SGCZ: variants seen among roughly 807,000 people sequenced by gnomAD.
SGCZ encodes zeta-sarcoglycan.
A neutral mutation model predicts 41.3 loss-of-function variants in SGCZ; 40 were observed. The observed-to-expected ratio is 0.97, with a 90% CI of 0.75 to 1.26. The LOEUF (loss-of-function observed/expected upper bound fraction) is 1.26. Among genes scored for constraint, SGCZ ranks in the 50% most tolerant of loss-of-function variants. The probability of loss-of-function intolerance (pLI) is 0.00; values close to 1 mark genes in which losing one functional copy is unlikely to be tolerated. For synonymous variants in SGCZ, 206 were observed against 137.5 expected (o/e 1.50, Z -3.49); for missense variants, 552 against 369.8 (o/e 1.49, Z -4.04).
chr8:14,671,264 A>T (rs1420910818), intron 1 of SGCZ, among the ~76,000 whole-genome samples: 1 of 152,046 alleles, frequency 6.6e-6, no homozygotes, highest in Non-Finnish European at 1.5e-5. Flanking sequence ...TCTTTTTATG[A>T]CCTCTACTGG....
intron 2 of SGCZ, among the ~76,000 whole-genome samples, chr8:14,460,418 AATTGTAT>A (rs1337838614): frequency 1.6e-4 from 24 of 152,262 alleles, no homozygotes; most frequent in Middle Eastern, 3.4e-3. Context: ...ATATACAAGA[AATTGTAT>A]ATTAACTGGA....
chr8:14,537,849 A>G (rs1050265020), intron 2 of SGCZ, among the ~76,000 whole-genome samples: 1 of 151,910 alleles, frequency 6.6e-6, no homozygotes, highest in Admixed American at 6.6e-5. Context: ...TGTGAATTCC[A>G]TATCCTTATC....
chr8:15,118,194 G>A (rs188990174), intron 1 of SGCZ, among the ~76,000 whole-genome samples: 332 of 152,274 alleles, frequency 2.2e-3, no homozygotes, highest in Non-Finnish European at 3.8e-3. Context: ...AATCAGAAAA[G>A]CATTTTAAGA....
intron 2 of SGCZ, among the ~76,000 whole-genome samples, chr8:14,515,957 T>C (rs1027894093): frequency 6.6e-6 from 1 of 152,062 alleles, no homozygotes; most frequent in African/African-American, 2.4e-5. Flanking sequence ...CAATACCTTG[T>C]TGGAAATAAC....
At chr8:14,407,597 G>A (rs931800858) in intron 2 of SGCZ, among the ~76,000 whole-genome samples, 1 of 151,906 alleles carries the variant, frequency 6.6e-6, no homozygotes, top group Non-Finnish European at 1.5e-5. Context: ...TACAATATAG[G>A]TATATGATAT....
chr8:14,098,374 GCAATA>G (rs1365986981), intron 7 of SGCZ, among the ~76,000 whole-genome samples: 1 of 152,126 alleles, frequency 6.6e-6, no homozygotes, highest in Non-Finnish European at 1.5e-5. Context: ...AAAACCCAAG[GCAATA>G]CATTTTGGGG....
At chr8:14,420,968 G>C (rs565344241) in intron 2 of SGCZ, among the ~76,000 whole-genome samples, 47 of 152,194 alleles carry the variant, frequency 3.1e-4, no homozygotes, top group African/African-American at 1.1e-3. Context: ...TCTTTAGAGA[G>C]GGATCACACT....
At chr8:14,204,228 G>A (rs1202139718) in intron 4 of SGCZ, among the ~76,000 whole-genome samples, 2 of 151,240 alleles carry the variant, frequency 1.3e-5, no homozygotes, top group African/African-American at 4.9e-5. Context: ...TGTCATATCT[G>A]TTGCTTAGAG....
intron 3 of SGCZ, among the ~76,000 whole-genome samples, chr8:14,316,835 A>G (rs1338700012): frequency 1.3e-5 from 2 of 151,350 alleles, no homozygotes; most frequent in African/African-American, 2.4e-5. Flanking sequence ...ACACACACAC[A>G]CACACACACA....
At chr8:14,767,911 T>C (rs1220499298) in intron 1 of SGCZ, among the ~76,000 whole-genome samples, 1 of 152,178 alleles carries the variant, frequency 6.6e-6, no homozygotes, top group Non-Finnish European at 1.5e-5. Flanking sequence ...TGCTATCTGT[T>C]AAGGGAATAA....
At chr8:15,217,273 C>T (rs999259269) in intron 1 of SGCZ, among the ~76,000 whole-genome samples, 7 of 151,484 alleles carry the variant, frequency 4.6e-5, no homozygotes, top group African/African-American at 7.3e-5. Flanking sequence ...AAAAATTAGC[C>T]GGGCGTGTTG....
intron 4 of SGCZ, among the ~76,000 whole-genome samples, chr8:14,189,783 C>A (rs1056353646): frequency 2.0e-5 from 3 of 152,076 alleles, no homozygotes; most frequent in African/African-American, 7.2e-5. Flanking sequence ...GTTTGCTTGG[C>A]TATTTTTGAA....
chr8:14,242,253 T>C (rs547296398), intron 3 of SGCZ, among the ~76,000 whole-genome samples: 154 of 152,334 alleles, frequency 1.0e-3, no homozygotes, highest in African/African-American at 3.6e-3. Flanking sequence ...CATTAAGTCG[T>C]AGTGAAATAG....
At chr8:15,012,132 A>G (rs993229979) in intron 1 of SGCZ, among the ~76,000 whole-genome samples, 8 of 152,238 alleles carry the variant, frequency 5.3e-5, no homozygotes, top group African/African-American at 1.9e-4. Context: ...CTGTACATGC[A>G]CATATGTTTA....
intron 4 of SGCZ, among the ~76,000 whole-genome samples, chr8:14,172,573 G>A: frequency 6.6e-6 from 1 of 152,122 alleles, no homozygotes. Context: ...TGGGCAAAAT[G>A]TTTGTTGTAA....
At position 15,055,739 on chromosome 8, in the gene SGCZ, GC is replaced by G. The variant is rs1235821366; in HGVS notation, c.39+181845del. Reference sequence around the variant, plus strand: ...AAGCAATGCTTGCGCAGCTCTCCAAGCTCTATCACATCCTTGAGATGCCTAA... The same window carrying G: ...AAGCAATGCTTGCGCAGCTCTCCAAGTCTATCACATCCTTGAGATGCCTAA... On this transcript the variant is annotated intron_variant, in intron 1 of 7. Transcript: ENST00000382080. Among the ~76,000 whole-genome samples, 9 of 152,296 alleles carry G rather than the reference GC, an allele frequency of 5.9e-5. 2 individuals are homozygous for G. In the South Asian group the frequency reaches 1.7e-3, roughly 28 times the overall value.
chr8:14,433,510 C>T (rs1049640853), intron 2 of SGCZ, among the ~76,000 whole-genome samples: 1 of 152,170 alleles, frequency 6.6e-6, no homozygotes, highest in Non-Finnish European at 1.5e-5. Flanking sequence ...GAAAACTTCA[C>T]TTTAACAACA....
At chr8:14,145,994 G>A (rs546709798) in intron 5 of SGCZ, among the ~76,000 whole-genome samples, 42 of 152,074 alleles carry the variant, frequency 2.8e-4, no homozygotes, top group Admixed American at 2.1e-3. Flanking sequence ...TTAAAAGAAG[G>A]TAGAGAAAAA....
rs559690499 is a variant in SGCZ at position 14,293,218 on chromosome 8, T to C, written c.336+30885A>G. ...TTTAGCAACATACACGTAACAAAGATGACAGAAAAATCCCAGTGGACAATG... is the reference window on the plus strand; with the variant it reads ...TTTAGCAACATACACGTAACAAAGACGACAGAAAAATCCCAGTGGACAATG... On this transcript the variant is annotated intron_variant, in intron 3 of 7. Transcript: ENST00000382080. 4.7e-4 allele frequency among the ~76,000 whole-genome samples: 71 copies of C among 152,116 alleles called. 1 individual carries two copies. Among genetic ancestry groups the C allele is most frequent in the Middle Eastern group, 3.4e-3 (1 of 294 alleles).
Sources: gnomAD v4.1 joint callset for allele counts (sites outside exome capture counted in the v4.1 genomes callset) on GRCh38, gnomAD v4.1.1 for gene constraint, MANE v1.5 for transcripts, NCBI Gene and HGNC (gene_info 2026-07-23, HGNC 2026-07-21) for gene names.